Variants in FSIP2 observed in about 807,000 individuals in gnomAD.
FSIP2 encodes the protein fibrous sheath-interacting protein 2.
Under a neutral mutation model 510.5 loss-of-function variants are expected in FSIP2, and 367 were observed. The ratio of observed to expected loss-of-function variants is 0.72; its 90% CI spans 0.66 to 0.78. FSIP2 has a LOEUF of 0.78. Among genes scored for constraint, FSIP2 ranks in the 30% least tolerant of loss-of-function variants. FSIP2 has a pLI of 0.00. For missense variants in FSIP2, 7,594 were observed against 7,901.7 expected (o/e 0.96, Z 1.48); for synonymous variants, 2,601 against 2,732.2 (o/e 0.95, Z 1.50).
At chr2:185,744,884 T>C (rs1186412741) in intron 4 of FSIP2, 1 of 152,730 alleles carries the variant, frequency 6.5e-6, no homozygotes, top group Non-Finnish European at 1.5e-5. Context: ...CAAAATGTTG[T>C]TCTTGAATGT....
At chr2:185,748,845 CTT>C (rs1449195644) in intron 7 of FSIP2, among the ~76,000 whole-genome samples, 1 of 151,966 alleles carries the variant, frequency 6.6e-6, no homozygotes, top group Non-Finnish European at 1.5e-5. Flanking sequence ...TTTTGTGAAT[CTT>C]GTTTTACTGT....
chr2:185,822,294 C>T (rs553662678), intron 19 of FSIP2, among the ~76,000 whole-genome samples: 3 of 152,006 alleles, frequency 2.0e-5, no homozygotes, highest in African/African-American at 7.2e-5. Context: ...TTATAGATGA[C>T]ATGGTCATAA....
Position 185,805,814 on chromosome 2 carries a change from T to C in FSIP2, c.16508T>C (p.Met5503Thr), listed in dbSNP as rs1184199747. Residue 5503 changes from methionine (M) to threonine (T), a missense_variant, in exon 17 of 23, where the codon ATG (methionine) becomes ACG (threonine). Physicochemically the swap from Met to Thr is moderately conservative, Grantham distance 81 (BLOSUM62 -1). Transcript: ENST00000424728. ...ATAAATGCAATTATGAAAAGCGGCA[T>C]GATTAACCTAACATCAGGGTTGGCT... ...SSINAIMKSG[M>T]INLTSGLATG... 2 of 1,603,050 alleles carry C rather than the reference T, an allele frequency of 1.2e-6. No individual in the cohort carries two copies. The highest frequency in any genetic ancestry group is 1.7e-5 in the Admixed American group (1 of 57,450).
At position 185,797,294 on chromosome 2, in the gene FSIP2, T is replaced by A. The variant is rs1559030491; in HGVS notation, c.10158T>A (p.Asp3386Glu). The change falls in exon 16 of 23, where the codon GAT (aspartate) becomes GAA (glutamate). Residue 3386 changes from aspartate (D) to glutamate (E), a missense_variant. Physicochemically the swap from Asp to Glu is conservative, Grantham distance 45. Transcript: ENST00000424728. Reference protein sequence around the residue: ...DNEKSLLRMQDKKINYIPEEE... With the variant: ...DNEKSLLRMQEKKINYIPEEE... ...AAAAAAGTTTGCTTAGAATGCAGGATAAAAAAATCAACTATATACCTGAGG... is the reference window on the plus strand; with the variant it reads ...AAAAAAGTTTGCTTAGAATGCAGGAAAAAAAAATCAACTATATACCTGAGG... 1 of 1,532,270 alleles carries A rather than the reference T, an allele frequency of 6.5e-7. No homozygotes were observed. The highest frequency in any genetic ancestry group is 8.7e-7 in the Non-Finnish European group (1 of 1,145,626). 94.9% of individuals were successfully genotyped at this position (1,532,270 alleles called of 1,614,324 possible).
In FSIP2 at chr2:185,830,256, A is replaced by G. The variant is rs117922924; in HGVS notation, c.20518-1557A>G. On this transcript the variant is annotated intron_variant, in intron 21 of 22. Transcript: ENST00000424728. Reference sequence around the variant, plus strand: ...ACTCAACATACAAAGAACAAAGACAATATCTACAGCTTTCAAGGAAAAGGT... The same window carrying G: ...ACTCAACATACAAAGAACAAAGACAGTATCTACAGCTTTCAAGGAAAAGGT... Among the ~76,000 whole-genome samples the G allele has an allele frequency of 1.6e-3, 239 of 152,040 alleles. 3 individuals carry two copies. In the East Asian group the frequency reaches 0.038, roughly 24 times the overall value.
chr2:185,831,304 A>G (rs2105692701), intron 21 of FSIP2, among the ~76,000 whole-genome samples: 1 of 151,988 alleles, frequency 6.6e-6, no homozygotes, highest in East Asian at 1.9e-4. Context: ...AAAATTGATA[A>G]GGGTCTACAG....
At position 185,790,225 on chromosome 2, in the gene FSIP2, A is replaced by T. The variant is rs565193317; in HGVS notation, c.3089A>T (p.Gln1030Leu). The change falls in exon 16 of 23, where the codon CAG becomes CTG. Residue 1030 changes from glutamine to leucine, a missense_variant. Transcript: ENST00000424728. ...GATGAAAAAGTAAAATCACAAGAAC[A>T]GATTCCTAATCATTGGTTTACAAAG... ...FKDEKVKSQEQIPNHWFTKGN... is the reference protein window; with the variant it reads ...FKDEKVKSQELIPNHWFTKGN... 1 of 1,532,226 alleles carries T rather than the reference A, an allele frequency of 6.5e-7. No homozygotes were observed. Among genetic ancestry groups the T allele is most frequent in the South Asian group, 1.2e-5 (1 of 83,360 alleles). 94.9% of individuals were successfully genotyped at this position (1,532,226 alleles called of 1,614,324 possible).
Position 185,806,957 on chromosome 2 carries a change from T to C in FSIP2, c.17651T>C (p.Ile5884Thr). The C allele has an allele frequency of 6.2e-7, 1 of 1,611,328 alleles. No individual in the cohort carries two copies. The highest frequency in any genetic ancestry group is 1.1e-5 in the South Asian group (1 of 90,734). Residue 5884 changes from isoleucine to threonine, a missense_variant, in exon 17 of 23, where the codon ATA (isoleucine) becomes ACA (threonine). Ile to Thr is a moderately conservative substitution (Grantham distance 89). Coordinates refer to ENST00000424728, the MANE Select transcript of FSIP2 (RefSeq NM_173651.4). The stretch of plus-strand genomic sequence containing the variant: ...GATGAAGCACCATCCAGCATTAAGA[T>C]AAAATCTGCAGATAAAATGCCACCT... ...TTDEAPSSIK[I>T]KSADKMPPMH...
chr2:185,760,055 C>T lies in FSIP2; in HGVS notation c.1079-933C>T, dbSNP rs943407933. 2.7e-5 allele frequency among the ~76,000 whole-genome samples: 4 copies of T among 150,898 alleles called. No individual in the cohort carries two copies. The Middle Eastern group carries it at 0.01, about 385-fold the overall frequency. ...ATCTATTTTCAAATTTATTGGCATACATTTTTCATGTATTTCTTTATTATT... is the reference window on the plus strand; with the variant it reads ...ATCTATTTTCAAATTTATTGGCATATATTTTTCATGTATTTCTTTATTATT... On this transcript the variant is annotated intron_variant, in intron 9 of 22. Coordinates refer to ENST00000424728, the MANE Select transcript of FSIP2 (RefSeq NM_173651.4).
chr2:185,771,714 C>T (rs183369692), intron 13 of FSIP2, among the ~76,000 whole-genome samples: 1 of 152,186 alleles, frequency 6.6e-6, no homozygotes, highest in East Asian at 1.9e-4. Context: ...GTTGTTAACA[C>T]TTGGCCCCCT....
At chr2:185,771,528 C>G (rs931194695) in intron 13 of FSIP2, among the ~76,000 whole-genome samples, 2 of 152,306 alleles carry the variant, frequency 1.3e-5, no homozygotes, top group Admixed American at 1.3e-4. Flanking sequence ...TGAGCTGAGG[C>G]TGGAGCTGGA....
Position 185,744,388 on chromosome 2 carries a change from G to T in FSIP2, c.454G>T (p.Glu152Ter). The change falls in exon 4 of 23, where the codon GAG (glutamate) becomes TAG (stop). Residue 152 changes from glutamate to a stop codon, truncating the protein, a stop_gained. Transcript: ENST00000424728. LOFTEE classifies it high-confidence loss of function. The part of the protein sequence containing the change: ...QYLTSLKLDF[E>*]RNYIKEQRIL... ...TCTTACCAGTTTAAAATTAGACTTT[G>T]AGAGAAACTATATAAAAGAACAAGT... 8.6e-7 allele frequency: 1 copy of T among 1,156,472 alleles called. No individual in the cohort carries two copies. Among genetic ancestry groups the T allele is most frequent in the South Asian group, 1.8e-5 (1 of 54,944 alleles). 71.6% of individuals were successfully genotyped at this position (1,156,472 alleles called of 1,614,324 possible). A position where few individuals can be genotyped will look rare whatever the true frequency, so the allele number is the denominator to read the frequency against.
intron 7 of FSIP2, among the ~76,000 whole-genome samples, chr2:185,751,764 A>G (rs1692153377): frequency 9.7e-6 from 1 of 102,880 alleles, no homozygotes. Flanking sequence ...ATTACAGTAT[A>G]TGTCTTTAAT....
intron 19 of FSIP2, among the ~76,000 whole-genome samples, chr2:185,818,587 G>A (rs1055429238): frequency 2.6e-5 from 4 of 151,826 alleles, no homozygotes; most frequent in Non-Finnish European, 5.9e-5. Context: ...GATTCATCAT[G>A]TACAAATAAC....
At position 185,803,807 on chromosome 2, in the gene FSIP2, T is replaced by G. The variant is rs1693498410; in HGVS notation, c.14501T>G (p.Met4834Arg). The change falls in exon 17 of 23, where the codon ATG (methionine) becomes AGG (arginine). Residue 4834 changes from methionine to arginine, a missense_variant. Coordinates refer to ENST00000424728, the MANE Select transcript of FSIP2 (RefSeq NM_173651.4). ...NTVIKLINEI[M>R]SIISKHEICI... is the part of the protein sequence containing the mutation. ...GTGATAAAACTGATAAATGAAATTA[T>G]GTCAATAATTTCAAAACATGAAATA... is the stretch of plus-strand genomic sequence containing the variant. 6.6e-7 allele frequency: 1 copy of G among 1,512,356 alleles called. No homozygotes were observed. The highest frequency in any genetic ancestry group is 1.4e-5 in the African/African-American group (1 of 71,708). 93.7% of individuals were successfully genotyped at this position (1,512,356 alleles called of 1,614,324 possible). A position where few individuals can be genotyped will look rare whatever the true frequency, so the allele number is the denominator to read the frequency against.
rs1356485124 is a variant in FSIP2 at position 185,790,172 on chromosome 2, A to G, written c.3036A>G (p.Val1012=). ...AAAATGAGGAAATAGACAATATTGT[A>G]AAAAATGTGCTTGATTCAACTTTCA... is the stretch of plus-strand genomic sequence containing the variant. ...DDENEEIDNI[V]KNVLDSTFKD... Residue 1012 remains valine, a synonymous_variant, in exon 16 of 23, where the codon GTA becomes GTG. Transcript: ENST00000424728. 2.0e-6 allele frequency: 3 copies of G among 1,531,962 alleles called. No homozygotes were observed. In the East Asian group the frequency reaches 7.3e-5, roughly 38 times the overall value. 94.9% of individuals were successfully genotyped at this position (1,531,962 alleles called of 1,614,324 possible).
At chr2:185,746,859 G>T (rs1574152845) in intron 6 of FSIP2, 49 bp downstream of exon 6, 2 of 1,293,090 alleles carry the variant, frequency 1.5e-6, no homozygotes, top group Non-Finnish European at 1.0e-6. Context: ...GTGTACAGTT[G>T]TTGCATTTGT....
In FSIP2 at chr2:185,808,287, T is replaced by A; in HGVS notation, c.18981T>A (p.Asp6327Glu). The change falls in exon 17 of 23, where the codon GAT (aspartate) becomes GAA (glutamate). Residue 6327 changes from aspartate (D) to glutamate (E), a missense_variant. Asp to Glu is a conservative substitution (Grantham distance 45). Transcript: ENST00000424728. Reference sequence around the variant, plus strand: ...TGGAAAAAGTGATCAAAATTATTGATGAACTTAAGTCTAAGGAAAAGTCTT... The same window carrying A: ...TGGAAAAAGTGATCAAAATTATTGAAGAACTTAAGTCTAAGGAAAAGTCTT... ...KIMEKVIKII[D>E]ELKSKEKSSS... 6.2e-7 allele frequency: 1 copy of A among 1,601,862 alleles called. No individual in the cohort carries two copies. The highest frequency in any genetic ancestry group is 1.7e-5 in the Admixed American group (1 of 57,158).
intron 13 of FSIP2, among the ~76,000 whole-genome samples, chr2:185,769,094 T>A (rs1465515183): frequency 6.6e-6 from 1 of 152,216 alleles, no homozygotes; most frequent in Non-Finnish European, 1.5e-5. Flanking sequence ...GCAATGAACA[T>A]ACACATGCGT....
Sources: allele counts gnomAD v4.1 joint callset (sites outside exome capture counted in the v4.1 genomes callset), GRCh38; gene constraint gnomAD v4.1.1; transcripts MANE v1.5; gene names NCBI Gene and HGNC (gene_info 2026-07-23, HGNC 2026-07-21).